KCNH1: variants seen among roughly 807,000 people sequenced by gnomAD.
KCNH1 encodes voltage-gated delayed rectifier potassium channel KCNH1.
A neutral mutation model predicts 69.2 loss-of-function variants in KCNH1; 27 were observed. The observed-to-expected ratio is 0.39, with a 90% CI of 0.29 to 0.54. The LOEUF is 0.54. Among genes scored for constraint, KCNH1 ranks in the 20% least tolerant of loss-of-function variants. KCNH1 has a pLI of 0.68. For missense variants in KCNH1, 798 were observed against 1,261.6 expected (o/e 0.63, Z 5.57); for synonymous variants, 456 against 487.7 (o/e 0.93, Z 0.86).
intron 1 of KCNH1, among the ~76,000 whole-genome samples, chr1:211,108,902 G>A (rs1691408990): frequency 1.3e-5 from 2 of 152,064 alleles, no homozygotes; most frequent in South Asian, 2.1e-4. Flanking sequence ...AGACCCTGGG[G>A]GTCTCCAGAT....
intron 7 of KCNH1, among the ~76,000 whole-genome samples, chr1:210,823,432 T>C (rs1209595705): frequency 6.6e-6 from 1 of 152,176 alleles, no homozygotes; most frequent in African/African-American, 2.4e-5. Flanking sequence ...TGTCTTTCCC[T>C]GAGGCCCATA....
At chr1:210,961,170 T>C (rs1174004420) in intron 6 of KCNH1, among the ~76,000 whole-genome samples, 1 of 152,188 alleles carries the variant, frequency 6.6e-6, no homozygotes, top group East Asian at 1.9e-4. Flanking sequence ...GTCTATTTTT[T>C]ATTGGGTGTT....
chr1:210,836,111 CAAAA>C (rs776429016), intron 7 of KCNH1, among the ~76,000 whole-genome samples: 5 of 93,362 alleles, frequency 5.4e-5, no homozygotes, highest in East Asian at 3.2e-4. Flanking sequence ...GTCTCCGTCT[CAAAA>C]AAAAAAAAAA....
Position 210,682,818 on chromosome 1 carries a change from G to T in KCNH1, c.*463C>A. The T allele has an allele frequency of 6.2e-6, 1 of 161,696 alleles. No individual in the cohort carries two copies. The highest frequency in any genetic ancestry group is 1.8e-4 in the East Asian group (1 of 5,610). 10.0% of individuals were successfully genotyped at this position (161,696 alleles called of 1,614,324 possible). A position where few individuals can be genotyped will look rare whatever the true frequency, so the allele number is the denominator to read the frequency against. ...GGAAAACATGGTGACGTCAGACACG[G>T]GCTGTACAAGGACGGGGATGCCGGG... On this transcript the variant is annotated 3_prime_UTR_variant, in exon 11 of 11. Transcript: ENST00000271751.
chr1:211,002,189 A>C (rs1689195984), intron 6 of KCNH1, among the ~76,000 whole-genome samples: 1 of 151,996 alleles, frequency 6.6e-6, no homozygotes, highest in African/African-American at 2.4e-5. Context: ...CTAGAACTTA[A>C]AGTATAATAA....
intron 9 of KCNH1, among the ~76,000 whole-genome samples, chr1:210,783,563 A>T (rs1183550056): frequency 1.3e-5 from 2 of 152,180 alleles, no homozygotes. Flanking sequence ...ATTTCAGATC[A>T]TTTCCTTAAA....
intron 10 of KCNH1, among the ~76,000 whole-genome samples, chr1:210,718,417 A>ATAAAATATATGCATATATTTATG (rs1682332174): frequency 9.3e-4 from 1 of 1,078 alleles, no homozygotes; most frequent in Non-Finnish European, 1.7e-3. Context: ...ATATGTATAT[A>ATAAAATATATGCATATATTTATG]TATAAAATAT....
In KCNH1 at chr1:210,683,396, G is replaced by A. The variant is rs745374594; in HGVS notation, c.2855C>T (p.Ser952Phe). 1.2e-6 allele frequency: 2 copies of A among 1,614,196 alleles called. No individual in the cohort carries two copies. Among genetic ancestry groups the A allele is most frequent in the Non-Finnish European group, 1.7e-6 (2 of 1,180,044 alleles). The part of the protein sequence containing the change: ...AKMTNIEKQL[S>F]EILRILTSRR... ...GGAAGTTAATATCCTGAGTATCTCA[G>A]AGAGCTGTTTCTCAATATTGGTCAT... Residue 952 changes from serine to phenylalanine, a missense_variant, in exon 11 of 11, where the codon TCT (serine) becomes TTT (phenylalanine). Ser to Phe is a radical substitution (Grantham distance 155, BLOSUM62 -2). Around this residue, in one of 4 missense-constraint regions of KCNH1, gnomAD observed 331 missense variants for 363.2 expected, o/e 0.91. Transcript: ENST00000271751. This position sits in a 1 kb window ranked among gnomAD's most constrained non-coding sequence, Gnocchi z 5.7.
At chr1:210,748,907 C>G (rs1473998159) in intron 10 of KCNH1, among the ~76,000 whole-genome samples, 1 of 152,208 alleles carries the variant, frequency 6.6e-6, no homozygotes, top group African/African-American at 2.4e-5. Flanking sequence ...TCACACCCCA[C>G]CTGTCCTACC....
At chr1:210,820,009 A>T (rs1009107219) in intron 7 of KCNH1, among the ~76,000 whole-genome samples, 4 of 152,244 alleles carry the variant, frequency 2.6e-5, no homozygotes, top group Non-Finnish European at 4.4e-5. Context: ...GTGCCTTCAG[A>T]TAACAGAAGC....
chr1:210,850,838 C>T (rs563330696), intron 7 of KCNH1, among the ~76,000 whole-genome samples: 15 of 152,186 alleles, frequency 9.9e-5, no homozygotes, highest in Non-Finnish European at 1.8e-4. Context: ...TGGGGGAGAT[C>T]AAAAGCCTAC....
At chr1:211,050,301 A>G (rs977750472) in intron 5 of KCNH1, among the ~76,000 whole-genome samples, 1 of 139,194 alleles carries the variant, frequency 7.2e-6, no homozygotes, top group African/African-American at 2.7e-5. Flanking sequence ...GGACAGCTTG[A>G]TGCTAACAAG....
At chr1:210,737,817 A>G (rs1682916335) in intron 10 of KCNH1, among the ~76,000 whole-genome samples, 1 of 152,214 alleles carries the variant, frequency 6.6e-6, no homozygotes, top group Non-Finnish European at 1.5e-5. Context: ...ACCAACTTAG[A>G]CTAAGTCACC....
chr1:211,004,427 T>C (rs1164958323), intron 6 of KCNH1, among the ~76,000 whole-genome samples: 3 of 152,144 alleles, frequency 2.0e-5, no homozygotes, highest in African/African-American at 7.2e-5. Context: ...TAAAGCATTC[T>C]AAAATCCTTG....
At chr1:210,840,271 C>T (rs544272103) in intron 7 of KCNH1, among the ~76,000 whole-genome samples, 1 of 151,226 alleles carries the variant, frequency 6.6e-6, no homozygotes, top group Non-Finnish European at 1.5e-5. Flanking sequence ...CATGCTAGAT[C>T]TAAAACAAAA....
At chr1:211,054,582 A>G (rs1400072357) in intron 5 of KCNH1, among the ~76,000 whole-genome samples, 1 of 152,158 alleles carries the variant, frequency 6.6e-6, no homozygotes, top group Non-Finnish European at 1.5e-5. Flanking sequence ...ACGGCCAATA[A>G]GGAAGTTAAA....
At chr1:210,710,636 A>G (rs1035421775) in intron 10 of KCNH1, among the ~76,000 whole-genome samples, 1 of 152,120 alleles carries the variant, frequency 6.6e-6, no homozygotes, top group Admixed American at 6.5e-5. Flanking sequence ...TCTTATCCCT[A>G]TTTTACAGAA....
chr1:211,098,885 A>T (rs1691205322), intron 3 of KCNH1, among the ~76,000 whole-genome samples: 9 of 152,240 alleles, frequency 5.9e-5, no homozygotes, highest in Admixed American at 5.9e-4. Context: ...AGACACTCAC[A>T]TTCTGTATGA....
At chr1:210,805,845 C>T (rs1684539758) in intron 7 of KCNH1, among the ~76,000 whole-genome samples, 1 of 152,208 alleles carries the variant, frequency 6.6e-6, no homozygotes, top group Non-Finnish European at 1.5e-5. Flanking sequence ...ATGCGGTCTT[C>T]CATGACTAGC....
Sources: allele counts gnomAD v4.1 joint callset (sites outside exome capture counted in the v4.1 genomes callset), GRCh38; gene constraint gnomAD v4.1.1; regional missense constraint gnomAD v4.1.1; non-coding constraint Gnocchi (gnomAD v3.1); transcripts MANE v1.5; gene names NCBI Gene and HGNC (gene_info 2026-07-23, HGNC 2026-07-21).